The following ARHGEF3 variants were observed in gnomAD, a reference collection of about 807,000 sequenced individuals.
ARHGEF3 encodes the protein Rho guanine nucleotide exchange factor 3.
ARHGEF3 carries 28 observed loss-of-function variants against 63.2 expected under a neutral mutation model. The ratio of observed to expected loss-of-function variants is 0.44; its 90% CI spans 0.33 to 0.61. The LOEUF (loss-of-function observed/expected upper bound fraction) is 0.61. Ranked by LOEUF, ARHGEF3 falls within the 20% of genes least tolerant of loss-of-function variation. The pLI is 0.03. For synonymous variants in ARHGEF3, 266 were observed against 254.2 expected (o/e 1.05, Z -0.44); for missense variants, 533 against 659.3 (o/e 0.81, Z 2.10).
intron 3 of ARHGEF3, among the ~76,000 whole-genome samples, chr3:56,920,727 C>T (rs1442503077): frequency 6.6e-6 from 1 of 151,714 alleles, no homozygotes; most frequent in African/African-American, 2.4e-5. Flanking sequence ...TAAAATTCCA[C>T]AAACTGAATT....
chr3:56,735,807 C>T (rs1559885788), intron 8 of ARHGEF3, among the ~76,000 whole-genome samples: 1 of 152,194 alleles, frequency 6.6e-6, no homozygotes. Context: ...ACTGTACCAT[C>T]CACTGGATGG....
intron 2 of ARHGEF3, among the ~76,000 whole-genome samples, chr3:56,968,391 A>T (rs1196592590): frequency 1.6e-5 from 2 of 127,796 alleles, no homozygotes; most frequent in Non-Finnish European, 3.2e-5. Context: ...CAGGCTGGAA[A>T]TGTAGTGGCG....
chr3:57,007,503 A>G (rs903097892), intron 2 of ARHGEF3, among the ~76,000 whole-genome samples: 1 of 152,190 alleles, frequency 6.6e-6, no homozygotes. Context: ...TCCTATTTTT[A>G]AAATTGGGTT....
At chr3:57,045,093 C>A (rs1704389833) in intron 1 of ARHGEF3, among the ~76,000 whole-genome samples, 1 of 152,102 alleles carries the variant, frequency 6.6e-6, no homozygotes, top group East Asian at 1.9e-4. Flanking sequence ...AGGGTGAAAC[C>A]TCATCTCTAC....
chr3:57,068,460 C>A (rs372193175), intron 1 of ARHGEF3, among the ~76,000 whole-genome samples: 3 of 152,322 alleles, frequency 2.0e-5, no homozygotes, highest in African/African-American at 4.8e-5. Context: ...CCAATTCTCT[C>A]GCCTCAAAAG....
At chr3:57,006,988 G>A (rs577216307) in intron 2 of ARHGEF3, among the ~76,000 whole-genome samples, 2 of 152,296 alleles carry the variant, frequency 1.3e-5, no homozygotes, top group East Asian at 3.9e-4. Flanking sequence ...TGAGAATTTG[G>A]GCTGCTGGTT....
intron 2 of ARHGEF3, among the ~76,000 whole-genome samples, chr3:56,977,708 G>A (rs1701177655): frequency 6.6e-6 from 1 of 152,156 alleles, no homozygotes; most frequent in African/African-American, 2.4e-5. Flanking sequence ...CTTGGTGCCT[G>A]GCAGGGCTGG....
upstream of ARHGEF3, chr3:56,801,975 C>T (rs1161801701): frequency 1.3e-6 from 2 of 1,520,776 alleles, no homozygotes; most frequent in Non-Finnish European, 1.8e-6. Context: ...GTGGGCGGGA[C>T]CGTGCCAGCC....
chr3:56,891,527 G>C (rs1352821193), intron 3 of ARHGEF3, among the ~76,000 whole-genome samples: 1 of 152,098 alleles, frequency 6.6e-6, no homozygotes, highest in African/African-American at 2.4e-5. Context: ...TATGTGCTCA[G>C]ATACCACTAA....
At chr3:56,903,960 C>T (rs2041605810) in intron 3 of ARHGEF3, among the ~76,000 whole-genome samples, 1 of 152,094 alleles carries the variant, frequency 6.6e-6, no homozygotes, top group Non-Finnish European at 1.5e-5. Flanking sequence ...ACCTCCTTGG[C>T]TCAGGCAATC....
intron 1 of ARHGEF3, among the ~76,000 whole-genome samples, chr3:57,061,046 T>C (rs1268054523): frequency 6.6e-6 from 1 of 152,206 alleles, no homozygotes; most frequent in Non-Finnish European, 1.5e-5. Context: ...ACATTCACCA[T>C]ATTGTACAAC....
upstream of ARHGEF3, chr3:56,802,079 G>C: frequency 8.8e-7 from 1 of 1,136,864 alleles, no homozygotes; most frequent in Non-Finnish European, 1.1e-6. Context: ...ACACCTCCTG[G>C]GGCTGCGAGG....
chr3:56,963,207 TACTAAAAAAAATGGCTAGC>T (rs1437241425), intron 2 of ARHGEF3, among the ~76,000 whole-genome samples: 1 of 152,102 alleles, frequency 6.6e-6, no homozygotes, highest in Non-Finnish European at 1.5e-5. Context: ...TAAATTCATG[TACTAAAAAAAATGGCTAGC>T]AGGGAGTCTG....
intron 7 of ARHGEF3, among the ~76,000 whole-genome samples, chr3:56,744,688 G>A (rs1437569097): frequency 1.3e-5 from 2 of 151,910 alleles, no homozygotes; most frequent in African/African-American, 4.8e-5. Context: ...TTACAGGCAT[G>A]AGCCATCGTG....
At chr3:56,782,939 C>T (rs570945939) in intron 1 of ARHGEF3, among the ~76,000 whole-genome samples, 7 of 152,304 alleles carry the variant, frequency 4.6e-5, no homozygotes, top group East Asian at 3.9e-4. Context: ...AGAGGGATGA[C>T]GTTTATTCTC....
intron 3 of ARHGEF3, among the ~76,000 whole-genome samples, chr3:56,950,036 T>A (rs1699724061): frequency 6.6e-6 from 1 of 152,000 alleles, no homozygotes. Flanking sequence ...GGGGGAACGA[T>A]TTCCTATTTA....
chr3:57,052,473 T>C (rs1280527556), intron 1 of ARHGEF3, among the ~76,000 whole-genome samples: 1 of 152,062 alleles, frequency 6.6e-6, no homozygotes, highest in East Asian at 1.9e-4. Flanking sequence ...ATTTTTGTAT[T>C]TTTAGTAGAG....
At chr3:57,013,345 C>G (rs555780482) in intron 2 of ARHGEF3, among the ~76,000 whole-genome samples, 16 of 152,328 alleles carry the variant, frequency 1.1e-4, no homozygotes, top group South Asian at 1.0e-3. Flanking sequence ...CCAGTAGGGG[C>G]TTGGAGAACT....
At chr3:56,873,764 C>T (rs1419216644) in intron 4 of ARHGEF3, among the ~76,000 whole-genome samples, 1 of 152,154 alleles carries the variant, frequency 6.6e-6, no homozygotes, top group Non-Finnish European at 1.5e-5. Flanking sequence ...GTTACGATTT[C>T]TGTTTTACAG....
Sources: allele counts gnomAD v4.1 joint callset (sites outside exome capture counted in the v4.1 genomes callset), GRCh38; gene constraint gnomAD v4.1.1; transcripts MANE v1.5; gene names NCBI Gene and HGNC (gene_info 2026-07-23, HGNC 2026-07-21).